Variants in KCNMA1 observed in about 807,000 individuals in gnomAD.
KCNMA1 encodes the protein potassium calcium-activated channel subfamily M alpha 1.
In KCNMA1, 29 loss-of-function variants were observed where a neutral mutation model predicts 140.0. That is an observed-to-expected ratio of 0.21 (90% CI 0.15 to 0.28). The LOEUF is 0.28. Ranked by LOEUF, KCNMA1 falls within the 10% of genes least tolerant of loss-of-function variation. The pLI is 1.00. For missense variants in KCNMA1, 880 were observed against 1,602.2 expected (o/e 0.55, Z 7.70); for synonymous variants, 612 against 611.9 (o/e 1.00, Z 0.00).
downstream of KCNMA1, among the ~76,000 whole-genome samples, chr10:76,884,703 G>T (rs917202130): frequency 4.4e-4 from 67 of 151,610 alleles, 1 homozygote; most frequent in Non-Finnish European, 1.8e-4. Context: ...AAGGAATCTA[G>T]CGATAGCAGC....
intron 1 of KCNMA1, among the ~76,000 whole-genome samples, chr10:77,536,330 G>A (rs961846492): frequency 6.6e-6 from 1 of 152,194 alleles, no homozygotes; most frequent in South Asian, 2.1e-4. Context: ...GCAGGAGGAC[G>A]CCAGCATCCT....
chr10:76,991,563 T>C (rs2082776809), intron 19 of KCNMA1, among the ~76,000 whole-genome samples: 2 of 152,230 alleles, frequency 1.3e-5, no homozygotes, highest in South Asian at 2.1e-4. Flanking sequence ...GGAAGCTTCA[T>C]GGATCTAGGG....
rs146854774 is a variant in KCNMA1 at position 77,220,738 on chromosome 10, C to G, written c.602+30457G>C. ...CTCTTGGATCTGGTCCTTTTTACCC[C>G]CTTAGCCATATATTCCAGTTTCTGC... On this transcript the variant is annotated intron_variant, in intron 3 of 27. Transcript: ENST00000286628. 3.7e-3 allele frequency among the ~76,000 whole-genome samples: 565 copies of G among 151,240 alleles called. 3 individuals are homozygous for G. The highest frequency in any genetic ancestry group is 4.4e-3 in the Non-Finnish European group (298 of 67,672).
At chr10:77,393,874 G>T (rs1603461687) in intron 2 of KCNMA1, among the ~76,000 whole-genome samples, 1 of 152,210 alleles carries the variant, frequency 6.6e-6, no homozygotes, top group African/African-American at 2.4e-5. Context: ...GAAGCAAAGC[G>T]GACAGAGACA....
At chr10:77,572,852 A>G (rs190316126) in intron 1 of KCNMA1, among the ~76,000 whole-genome samples, 123 of 151,662 alleles carry the variant, frequency 8.1e-4, no homozygotes, top group African/African-American at 2.7e-3. Flanking sequence ...TGTGTTTTAG[A>G]ATTCCAATTG....
chr10:77,209,404 T>C (rs550278208), intron 3 of KCNMA1, among the ~76,000 whole-genome samples: 2 of 152,310 alleles, frequency 1.3e-5, no homozygotes, highest in East Asian at 3.9e-4. Context: ...AAATTCTTGG[T>C]TTCTCACCTA....
chr10:77,432,943 G>T (rs1158363270), intron 1 of KCNMA1, among the ~76,000 whole-genome samples: 1 of 152,112 alleles, frequency 6.6e-6, no homozygotes, highest in Non-Finnish European at 1.5e-5. Context: ...GATTGGGATG[G>T]AGTAGAGATT....
intron 1 of KCNMA1, among the ~76,000 whole-genome samples, chr10:77,569,886 A>G (rs2070226146): frequency 6.6e-6 from 1 of 152,230 alleles, no homozygotes; most frequent in Non-Finnish European, 1.5e-5. Flanking sequence ...AAACAAATTT[A>G]CAAGAAAAAA....
chr10:77,079,430 C>A, intron 13 of KCNMA1, 51 bp downstream of exon 13: 2 of 1,002,154 alleles, frequency 2.0e-6, no homozygotes, highest in Non-Finnish European at 3.2e-6. Context: ...GAAGAAGAGG[C>A]TGGACCTGTG....
chr10:77,186,762 G>A (rs554728092), intron 3 of KCNMA1, among the ~76,000 whole-genome samples: 10 of 146,310 alleles, frequency 6.8e-5, no homozygotes, highest in South Asian at 4.5e-4. Flanking sequence ...TGCAGGATAC[G>A]TTACTAAAGA....
chr10:77,324,919 G>A (rs927154038), intron 2 of KCNMA1, among the ~76,000 whole-genome samples: 1 of 142,546 alleles, frequency 7.0e-6, no homozygotes, highest in African/African-American at 2.5e-5. Flanking sequence ...AGGAACTTCT[G>A]GACACTCAGT....
intron 22 of KCNMA1, among the ~76,000 whole-genome samples, 173 bp from the exon 23 acceptor site, chr10:76,945,138 G>A (rs2063567693): frequency 6.6e-6 from 1 of 152,120 alleles, no homozygotes; most frequent in African/African-American, 2.4e-5. Flanking sequence ...CATTAAGCTG[G>A]CCTAACTACA....
downstream of KCNMA1, chr10:76,884,063 A>G: frequency 5.1e-6 from 4 of 790,022 alleles, no homozygotes; most frequent in Non-Finnish European, 6.1e-6. Context: ...GTCTGTTCCC[A>G]TTCCATTCCC....
At chr10:77,478,494 C>A (rs2154530779) in intron 1 of KCNMA1, among the ~76,000 whole-genome samples, 2 of 152,254 alleles carry the variant, frequency 1.3e-5, no homozygotes, top group South Asian at 4.2e-4. Context: ...GCAGTCAGGA[C>A]CACAGAGTGC....
At chr10:76,951,907 G>A (rs1933967596) in intron 21 of KCNMA1, 2 of 876,124 alleles carry the variant, frequency 2.3e-6, no homozygotes, top group South Asian at 1.6e-5. Flanking sequence ...TAGAACACAA[G>A]CTCTGTGAGA....
At chr10:77,125,149 G>T (rs762977817) in intron 5 of KCNMA1, among the ~76,000 whole-genome samples, 2 of 152,146 alleles carry the variant, frequency 1.3e-5, no homozygotes, top group Non-Finnish European at 2.9e-5. Context: ...TACAATTCAA[G>T]ATGAGATTTG....
chr10:77,472,947 T>C (rs1201360192), intron 1 of KCNMA1, among the ~76,000 whole-genome samples: 1 of 152,182 alleles, frequency 6.6e-6, no homozygotes, highest in Non-Finnish European at 1.5e-5. Flanking sequence ...GTACTAGGAT[T>C]GGGCAGGGTG....
intron 1 of KCNMA1, chr10:77,587,739 C>T (rs2077673202): frequency 2.0e-6 from 2 of 985,242 alleles, no homozygotes; most frequent in African/African-American, 3.5e-5. Flanking sequence ...TTTTGCTTTC[C>T]CAGGTGCTTT....
At chr10:77,304,875 G>A (rs139781631) in intron 2 of KCNMA1, among the ~76,000 whole-genome samples, 1 of 152,310 alleles carries the variant, frequency 6.6e-6, no homozygotes, top group African/African-American at 2.4e-5. Context: ...TGCGGTCCAA[G>A]ACCCCAAAGA....
Sources: gnomAD v4.1 joint callset for allele counts (sites outside exome capture counted in the v4.1 genomes callset) on GRCh38, gnomAD v4.1.1 for gene constraint, MANE v1.5 for transcripts, NCBI Gene and HGNC (gene_info 2026-07-23, HGNC 2026-07-21) for gene names.